BMPER: variants seen among roughly 807,000 people sequenced by gnomAD.
BMPER encodes BMP binding endothelial regulator.
BMPER carries 45 observed loss-of-function variants against 87.3 expected under a neutral mutation model. That is an observed-to-expected ratio of 0.52 (90% CI 0.41 to 0.66). The LOEUF (loss-of-function observed/expected upper bound fraction) is 0.66. Ranked by LOEUF, BMPER falls within the 30% of genes least tolerant of loss-of-function variation. The pLI, the probability that BMPER is intolerant of heterozygous loss-of-function variation, is 0.00. For synonymous variants in BMPER, 326 were observed against 316.2 expected, an observed-to-expected ratio of 1.03 and a Z score of -0.33; for missense variants, 784 against 867.5, an observed-to-expected ratio of 0.90 and a Z score of 1.21.
chr7:34,133,166 A>G (rs545229981), intron 13 of BMPER, among the ~76,000 whole-genome samples: 3 of 151,998 alleles, frequency 2.0e-5, no homozygotes, highest in African/African-American at 7.3e-5. Context: ...CAGCCTCAGG[A>G]TGGAGAGGGG....
chr7:34,090,288 T>C (rs539751587), intron 13 of BMPER, among the ~76,000 whole-genome samples: 43 of 152,240 alleles, frequency 2.8e-4, no homozygotes, highest in Non-Finnish European at 4.9e-4. Context: ...TAACGTGAAG[T>C]TGTTTAGATT....
chr7:34,129,617 AG>A (rs1324161205), intron 13 of BMPER, among the ~76,000 whole-genome samples: 4,952 of 106,336 alleles, frequency 0.047, 168 homozygotes, highest in East Asian at 0.073. Context: ...AGAAAGAGAG[AG>A]AGAGAGAAAG....
At chr7:34,051,062 C>T (rs550898057) in intron 7 of BMPER, among the ~76,000 whole-genome samples, 2 of 152,260 alleles carry the variant, frequency 1.3e-5, no homozygotes, top group African/African-American at 4.8e-5. Flanking sequence ...AGTCCAAGAA[C>T]AAGGTGCTAG....
chr7:33,944,159 T>G (rs1784827386), intron 3 of BMPER, among the ~76,000 whole-genome samples: 1 of 151,968 alleles, frequency 6.6e-6, no homozygotes, highest in Non-Finnish European at 1.5e-5. Flanking sequence ...TTTTTATTTA[T>G]TTTTTAATTT....
At chr7:33,924,308 C>T (rs552208239) in intron 2 of BMPER, among the ~76,000 whole-genome samples, 2 of 152,364 alleles carry the variant, frequency 1.3e-5, no homozygotes, top group South Asian at 4.1e-4. Flanking sequence ...TGTTATCAAC[C>T]AGTGACCATT....
chr7:34,054,801 A>G (rs1415382651), intron 8 of BMPER, among the ~76,000 whole-genome samples: 1 of 152,238 alleles, frequency 6.6e-6, no homozygotes, highest in Non-Finnish European at 1.5e-5. Context: ...AGAGAGCACT[A>G]TTAGTGCAGG....
intron 3 of BMPER, among the ~76,000 whole-genome samples, chr7:33,958,867 G>T (rs946290539): frequency 6.6e-6 from 1 of 152,140 alleles, no homozygotes; most frequent in Non-Finnish European, 1.5e-5. Context: ...ACTTTGAATT[G>T]TGATAATCCC....
intron 6 of BMPER, among the ~76,000 whole-genome samples, chr7:33,995,060 A>T (rs1180451913): frequency 6.6e-6 from 1 of 152,072 alleles, no homozygotes; most frequent in African/African-American, 2.4e-5. Flanking sequence ...TGTAAAATTT[A>T]CTCTTTTTTG....
chr7:34,080,001 C>T (rs1374288865), intron 12 of BMPER, among the ~76,000 whole-genome samples: 1 of 152,220 alleles, frequency 6.6e-6, no homozygotes, highest in Non-Finnish European at 1.5e-5. Context: ...AAATTCAGCT[C>T]ATTTTCACAC....
intron 6 of BMPER, among the ~76,000 whole-genome samples, chr7:34,032,477 T>C (rs1004181601): frequency 1.3e-4 from 19 of 151,810 alleles, no homozygotes; most frequent in African/African-American, 4.6e-4. Flanking sequence ...ACAAATCGAA[T>C]GATAGAGAAG....
At chr7:34,152,475 T>G (rs1791202771) in intron 14 of BMPER, among the ~76,000 whole-genome samples, 1 of 152,214 alleles carries the variant, frequency 6.6e-6, no homozygotes, top group African/African-American at 2.4e-5. Context: ...GTAAATTGGC[T>G]GTGACGTGGC....
chr7:34,058,198 G>T (rs182326878), intron 10 of BMPER, 35 bp downstream of exon 10: 22 of 1,584,570 alleles, frequency 1.4e-5, no homozygotes, highest in Non-Finnish European at 1.9e-5. Flanking sequence ...TTACCTTAGC[G>T]TCTTGAGAAA....
At chr7:34,087,996 A>G (rs1789264227) in intron 13 of BMPER, among the ~76,000 whole-genome samples, 1 of 152,232 alleles carries the variant, frequency 6.6e-6, no homozygotes, top group Admixed American at 6.5e-5. Context: ...CTTATGAATA[A>G]AGAGCATTGG....
intron 11 of BMPER, among the ~76,000 whole-genome samples, chr7:34,075,010 A>AT (rs34665381): frequency 0.2 from 30,365 of 148,790 alleles, 3,141 homozygotes; most frequent in Middle Eastern, 0.26. Context: ...AGTTTCTCTT[A>AT]TTTTTTTTTT....
chr7:33,987,048 T>A (rs1786030993), intron 6 of BMPER, among the ~76,000 whole-genome samples: 1 of 152,074 alleles, frequency 6.6e-6, no homozygotes, highest in African/African-American at 2.4e-5. Flanking sequence ...CATCAGGCGC[T>A]CTGCACGATA....
intron 9 of BMPER, among the ~76,000 whole-genome samples, chr7:34,056,493 ACATCAGAC>A (rs1415943503): frequency 6.6e-6 from 1 of 152,198 alleles, no homozygotes; most frequent in Non-Finnish European, 1.5e-5. Context: ...TGTTGTGTTT[ACATCAGAC>A]TTTCAGAGAT....
At chr7:33,928,894 G>C (rs1784420699) in intron 2 of BMPER, among the ~76,000 whole-genome samples, 1 of 152,106 alleles carries the variant, frequency 6.6e-6, no homozygotes, top group Non-Finnish European at 1.5e-5. Flanking sequence ...CTTTGTAGGG[G>C]ATATGGGTAC....
At chr7:34,020,859 A>AC (rs1554305915) in intron 6 of BMPER, among the ~76,000 whole-genome samples, 1 of 146,750 alleles carries the variant, frequency 6.8e-6, no homozygotes, top group East Asian at 2.0e-4. Flanking sequence ...TGAATTTCTT[A>AC]ACACACACAC....
At chr7:34,062,157 T>A in intron 11 of BMPER, 110 bp downstream of exon 11, 1 of 1,024,658 alleles carries the variant, frequency 9.8e-7, no homozygotes, top group Non-Finnish European at 1.5e-6. Context: ...TGTAGGTATA[T>A]ATAGGATGGG....
Sources: allele counts gnomAD v4.1 joint callset (sites outside exome capture counted in the v4.1 genomes callset), GRCh38; gene constraint gnomAD v4.1.1; transcripts MANE v1.5; gene names NCBI Gene and HGNC (gene_info 2026-07-23, HGNC 2026-07-21).